SGK3: variants seen among roughly 807,000 people sequenced by gnomAD.
The protein encoded by SGK3 is serum/glucocorticoid regulated kinase family member 3.
In SGK3, 47 loss-of-function variants were observed where a neutral mutation model predicts 68.5. That is an observed-to-expected ratio of 0.69 (90% CI 0.54 to 0.87). SGK3 has a LOEUF of 0.87. Among genes scored for constraint, SGK3 ranks in the 40% least tolerant of loss-of-function variants. The pLI is 0.00. For synonymous variants in SGK3, 181 were observed against 189.1 expected, an observed-to-expected ratio of 0.96 and a Z score of 0.35; for missense variants, 479 against 575.5, an observed-to-expected ratio of 0.83 and a Z score of 1.72.
At chr8:66,827,831 TAGAA>T (rs1385952116) in intron 6 of SGK3, among the ~76,000 whole-genome samples, 1 of 151,962 alleles carries the variant, frequency 6.6e-6, no homozygotes, top group Non-Finnish European at 1.5e-5. Context: ...GTGCTAGAAT[TAGAA>T]AGAAAAGGCT....
chr8:66,807,513 C>T (rs540899682), intron 4 of SGK3, among the ~76,000 whole-genome samples: 127 of 152,224 alleles, frequency 8.3e-4, no homozygotes, highest in Non-Finnish European at 1.5e-3. Flanking sequence ...GTCTATCCTG[C>T]GTATATTTAA....
intron 1 of SGK3, among the ~76,000 whole-genome samples, chr8:66,742,824 C>G (rs747561287): frequency 6.6e-6 from 1 of 152,192 alleles, no homozygotes; most frequent in Non-Finnish European, 1.5e-5. Flanking sequence ...GCATATTGGT[C>G]AAGTCTATGA....
chr8:66,760,427 C>T (rs1315313958), intron 1 of SGK3, among the ~76,000 whole-genome samples: 3 of 150,596 alleles, frequency 2.0e-5, no homozygotes, highest in East Asian at 3.9e-4. Flanking sequence ...CTCTGCCTCC[C>T]GGGTTCACAC....
At chr8:66,738,325 A>T (rs1016538584) in intron 1 of SGK3, among the ~76,000 whole-genome samples, 1 of 152,144 alleles carries the variant, frequency 6.6e-6, no homozygotes, top group Non-Finnish European at 1.5e-5. Context: ...TGATATCTCT[A>T]TACTTAATTG....
At chr8:66,800,831 A>G (rs1442675636) in intron 3 of SGK3, among the ~76,000 whole-genome samples, 1 of 152,210 alleles carries the variant, frequency 6.6e-6, no homozygotes, top group Non-Finnish European at 1.5e-5. Context: ...ATAAAAATAA[A>G]AAGTTAGCTG....
chr8:66,727,345 C>T (rs1216513814), intron 1 of SGK3, among the ~76,000 whole-genome samples: 1 of 152,278 alleles, frequency 6.6e-6, no homozygotes, highest in East Asian at 1.9e-4. Flanking sequence ...GATCCACCCA[C>T]CTTGGCCTCC....
chr8:66,767,377 A>T (rs1806349940), intron 1 of SGK3: 5 of 1,185,890 alleles, frequency 4.2e-6, no homozygotes, highest in Non-Finnish European at 6.3e-6. Context: ...ATATACACAA[A>T]CTCTAAAGCA....
chr8:66,797,935 T>C (rs1807765387), intron 2 of SGK3, among the ~76,000 whole-genome samples: 1 of 152,174 alleles, frequency 6.6e-6, no homozygotes, highest in African/African-American at 2.4e-5. Context: ...ATTACAGAAA[T>C]ATTTTGTAAC....
At chr8:66,739,183 A>T (rs1382475400) in intron 1 of SGK3, among the ~76,000 whole-genome samples, 1 of 152,190 alleles carries the variant, frequency 6.6e-6, no homozygotes, top group East Asian at 1.9e-4. Context: ...GTTCAAGGAC[A>T]TGGCGCTGGA....
chr8:66,799,284 C>G (rs1807829537), intron 3 of SGK3, among the ~76,000 whole-genome samples: 1 of 152,184 alleles, frequency 6.6e-6, no homozygotes, highest in Non-Finnish European at 1.5e-5. Context: ...AATTCCAGCA[C>G]TTTGAGAGGC....
chr8:66,857,083 ATTCTG>A (rs1810542233), intron 16 of SGK3, among the ~76,000 whole-genome samples: 1 of 152,102 alleles, frequency 6.6e-6, no homozygotes, highest in South Asian at 2.1e-4. Flanking sequence ...ACAGAATGAG[ATTCTG>A]TCTCAAAAAA....
chr8:66,792,725 CA>C (rs750262232), intron 1 of SGK3, among the ~76,000 whole-genome samples: 18 of 150,872 alleles, frequency 1.2e-4, no homozygotes, highest in African/African-American at 4.4e-4. Flanking sequence ...AAGAAAAAAA[CA>C]AAAAAAAAGT....
In SGK3 at chr8:66,860,570, T is replaced by G. The variant is rs1164365395; in HGVS notation, c.*989T>G. The G allele has an allele frequency of 6.6e-6, 1 of 152,240 alleles. No individual in the cohort carries two copies. The highest frequency in any genetic ancestry group is 2.4e-5 in the African/African-American group (1 of 41,466). The allele number at this position is 152,240 out of a possible 1,614,324, so 9.4% of individuals were successfully genotyped here. A position where few individuals can be genotyped will look rare whatever the true frequency, so the allele number is the denominator to read the frequency against. On this transcript the variant is annotated 3_prime_UTR_variant, in exon 17 of 17. Transcript: ENST00000521198. ...GAAAAGGCTTAATGGTTAGGATTTT[T>G]AAGTATTCCCAAAGATCTGAAGGGT...
intron 1 of SGK3, among the ~76,000 whole-genome samples, chr8:66,783,562 G>A (rs1198552379): frequency 6.6e-6 from 1 of 152,198 alleles, no homozygotes; most frequent in Admixed American, 6.5e-5. Flanking sequence ...CTGGCACCCG[G>A]CCTGGAGTAC....
At chr8:66,781,963 A>G (rs534697634) in intron 1 of SGK3, among the ~76,000 whole-genome samples, 51 of 152,320 alleles carry the variant, frequency 3.3e-4, no homozygotes, top group Admixed American at 5.9e-4. Context: ...GGAGAAGGCT[A>G]CTATGTATCT....
At chr8:66,804,503 A>G in intron 4 of SGK3, 56 bp downstream of exon 4, 1 of 1,560,294 alleles carries the variant, frequency 6.4e-7, no homozygotes, top group South Asian at 1.1e-5. Context: ...TTGAAGAAGT[A>G]AATTAATGTA....
chr8:66,725,589 C>CTAGCGTTCTT (rs1158279533), intron 1 of SGK3, among the ~76,000 whole-genome samples: 91 of 151,644 alleles, frequency 6.0e-4, no homozygotes, highest in African/African-American at 2.0e-3. Context: ...CTATATATAT[C>CTAGCGTTCTT]TAGCGTTCTT....
chr8:66,835,516 C>G (rs1323201955), intron 8 of SGK3, among the ~76,000 whole-genome samples: 2 of 152,114 alleles, frequency 1.3e-5, no homozygotes, highest in Non-Finnish European at 2.9e-5. Flanking sequence ...CATGCATACA[C>G]ACACAAACTT....
chr8:66,742,209 C>T (rs1439229933), intron 1 of SGK3, among the ~76,000 whole-genome samples: 1 of 152,146 alleles, frequency 6.6e-6, no homozygotes, highest in Admixed American at 6.6e-5. Flanking sequence ...ATATCAGAGA[C>T]TTGCTTGCTC....
Sources: allele counts gnomAD v4.1 joint callset (sites outside exome capture counted in the v4.1 genomes callset), GRCh38; gene constraint gnomAD v4.1.1; transcripts MANE v1.5; gene names NCBI Gene and HGNC (gene_info 2026-07-23, HGNC 2026-07-21).